Variants in GSK3B observed in about 807,000 individuals in gnomAD.
GSK3B encodes the protein glycogen synthase kinase 3 beta.
GSK3B carries 15 observed loss-of-function variants against 56.4 expected under a neutral mutation model. The observed-to-expected ratio is 0.27, with a 90% confidence interval of 0.18 to 0.41. The LOEUF (loss-of-function observed/expected upper bound fraction) is 0.41. Among genes scored for constraint, GSK3B ranks in the 10% least tolerant of loss-of-function variants. GSK3B has a pLI of 1.00. For missense variants in GSK3B, 300 were observed against 513.4 expected (o/e 0.58, Z 4.02); for synonymous variants, 181 against 188.9 (o/e 0.96, Z 0.34).
At chr3:119,972,859 AAAC>A (rs1012097804) in intron 2 of GSK3B, among the ~76,000 whole-genome samples, 3 of 152,312 alleles carry the variant, frequency 2.0e-5, no homozygotes, top group Admixed American at 2.0e-4. Context: ...TGTTATTAAA[AAAC>A]AATAACAAAA....
chr3:119,979,217 G>T (rs1019619054), intron 2 of GSK3B, among the ~76,000 whole-genome samples: 4 of 152,148 alleles, frequency 2.6e-5, no homozygotes, highest in African/African-American at 9.7e-5. Context: ...ATGGCAAATG[G>T]CAAGAGGTTC....
At chr3:119,875,309 A>G (rs2056298315) in intron 8 of GSK3B, among the ~76,000 whole-genome samples, 1 of 152,106 alleles carries the variant, frequency 6.6e-6, no homozygotes. Flanking sequence ...GAGAGAAAGA[A>G]ACATACTTTG....
intron 3 of GSK3B, among the ~76,000 whole-genome samples, chr3:119,941,600 G>A (rs909207854): frequency 5.3e-5 from 8 of 152,110 alleles, no homozygotes; most frequent in Non-Finnish European, 1.2e-4. Context: ...AGGTTTAAGT[G>A]AGTTATAAAA....
intron 1 of GSK3B, among the ~76,000 whole-genome samples, chr3:120,020,309 T>C (rs1296043627): frequency 6.6e-6 from 1 of 152,216 alleles, no homozygotes; most frequent in African/African-American, 2.4e-5. Flanking sequence ...ATAAGGAACA[T>C]GCCTAAGAGA....
At chr3:119,828,724 G>C (rs1200830924) in intron 10 of GSK3B, among the ~76,000 whole-genome samples, 1 of 152,190 alleles carries the variant, frequency 6.6e-6, no homozygotes, top group Non-Finnish European at 1.5e-5. Flanking sequence ...CATTTCTAAA[G>C]CCAATCTATA....
chr3:120,004,109 C>T (rs564335510), intron 1 of GSK3B, among the ~76,000 whole-genome samples: 70 of 152,380 alleles, frequency 4.6e-4, no homozygotes, highest in Middle Eastern at 3.4e-3. Flanking sequence ...ATGCCTGACT[C>T]GGCGGGTCCC....
chr3:120,001,375 G>GTAA (rs759840822), intron 2 of GSK3B, among the ~76,000 whole-genome samples: 5 of 152,018 alleles, frequency 3.3e-5, no homozygotes, highest in African/African-American at 7.2e-5. Flanking sequence ...CTACAAAATA[G>GTAA]TAATAACAAT....
intron 8 of GSK3B, among the ~76,000 whole-genome samples, chr3:119,867,507 C>A (rs1464621142): frequency 6.6e-6 from 1 of 152,156 alleles, no homozygotes; most frequent in Non-Finnish European, 1.5e-5. Flanking sequence ...AAATTAAACA[C>A]AGTTCCATCT....
At chr3:120,051,819 G>C (rs1019957603) in intron 1 of GSK3B, among the ~76,000 whole-genome samples, 1 of 151,028 alleles carries the variant, frequency 6.6e-6, no homozygotes. Flanking sequence ...GATATGAAGA[G>C]ACTTGCAAAT....
chr3:120,012,679 T>C (rs567809559), intron 1 of GSK3B, among the ~76,000 whole-genome samples: 1 of 152,244 alleles, frequency 6.6e-6, no homozygotes, highest in African/African-American at 2.4e-5. Flanking sequence ...AAATACAGAA[T>C]AATTTTTTTC....
chr3:120,043,883 G>A (rs147368046), intron 1 of GSK3B, among the ~76,000 whole-genome samples: 144 of 152,168 alleles, frequency 9.5e-4, no homozygotes, highest in African/African-American at 3.4e-3. Context: ...CTTCTACCCT[G>A]CCCTACAACA....
chr3:119,951,796 C>G (rs1310025180), intron 2 of GSK3B, among the ~76,000 whole-genome samples: 1 of 151,672 alleles, frequency 6.6e-6, no homozygotes, highest in African/African-American at 2.4e-5. Context: ...TTAAGGGAAA[C>G]CATATTTTAA....
At chr3:119,904,941 A>C (rs1220427396) in intron 7 of GSK3B, among the ~76,000 whole-genome samples, 1 of 151,234 alleles carries the variant, frequency 6.6e-6, no homozygotes, top group Non-Finnish European at 1.5e-5. Context: ...ATCTAGTGAT[A>C]TAAATCTAGA....
chr3:119,881,578 T>C (rs2056379640), intron 7 of GSK3B, among the ~76,000 whole-genome samples: 1 of 152,230 alleles, frequency 6.6e-6, no homozygotes, highest in South Asian at 2.1e-4. Context: ...AGTACTTTGC[T>C]AACATAAGAC....
intron 1 of GSK3B, among the ~76,000 whole-genome samples, chr3:120,042,616 G>A (rs2058072529): frequency 6.6e-6 from 1 of 152,112 alleles, no homozygotes; most frequent in South Asian, 2.1e-4. Context: ...AAATGCAACA[G>A]CCAATAATAT....
intron 3 of GSK3B, among the ~76,000 whole-genome samples, chr3:119,944,056 A>AT (rs574543374): frequency 5.9e-5 from 9 of 152,238 alleles, no homozygotes; most frequent in Middle Eastern, 3.4e-3. Flanking sequence ...GAATGAGAGA[A>AT]TTTTTTTAAA....
intron 2 of GSK3B, among the ~76,000 whole-genome samples, chr3:119,952,977 T>G (rs570513049): frequency 6.6e-6 from 1 of 152,140 alleles, no homozygotes; most frequent in Non-Finnish European, 1.5e-5. Flanking sequence ...TTTTATTTCC[T>G]CTTAATTTCA....
intron 10 of GSK3B, among the ~76,000 whole-genome samples, chr3:119,827,603 A>AG (rs1469815573): frequency 1.1e-4 from 15 of 142,376 alleles, no homozygotes; most frequent in African/African-American, 3.5e-4. Flanking sequence ...AAAAAAAAAA[A>AG]AAAAAAGAGA....
intron 2 of GSK3B, among the ~76,000 whole-genome samples, chr3:119,970,771 T>C (rs1246907349): frequency 6.6e-6 from 1 of 151,470 alleles, no homozygotes; most frequent in Non-Finnish European, 1.5e-5. Flanking sequence ...CGGGCGACAG[T>C]GTGAGACTCC....
Sources: allele counts gnomAD v4.1 joint callset (sites outside exome capture counted in the v4.1 genomes callset), GRCh38; gene constraint gnomAD v4.1.1; transcripts MANE v1.5; gene names NCBI Gene and HGNC (gene_info 2026-07-23, HGNC 2026-07-21).